The following FBXL20 variants were observed in gnomAD, a reference collection of about 807,000 sequenced individuals.
FBXL20 encodes the protein F-box/LRR-repeat protein 20.
FBXL20 carries 11 observed loss-of-function variants against 64.0 expected under a neutral mutation model. The observed-to-expected ratio is 0.17, with a 90% CI of 0.11 to 0.28. The LOEUF (loss-of-function observed/expected upper bound fraction) is 0.28. Among genes scored for constraint, FBXL20 ranks in the 10% least tolerant of loss-of-function variants. The pLI, the probability that FBXL20 is intolerant of heterozygous loss-of-function variation, is 1.00. For missense variants in FBXL20, 303 were observed against 526.2 expected, an observed-to-expected ratio of 0.58 and a Z score of 4.15; for synonymous variants, 184 against 189.0, an observed-to-expected ratio of 0.97 and a Z score of 0.22.
At position 39,396,608 on chromosome 17, in the gene FBXL20, A is replaced by AG. The variant is rs1167340268; in HGVS notation, c.42+4752_42+4753insC. On this transcript the variant is annotated intron_variant, in intron 1 of 14. Transcript: ENST00000264658. ...CGAAACTCCGTCTCAAAAAAAAAAAAAAAGAAAGAAATGACCAAAGTTACA... is the reference window on the plus strand; with the variant it reads ...CGAAACTCCGTCTCAAAAAAAAAAAAGAAAGAAAGAAATGACCAAAGTTACA... Among the ~76,000 whole-genome samples, 9 of 151,270 alleles carry AG rather than the reference A, an allele frequency of 5.9e-5. No individual in the cohort carries two copies. In the South Asian group the frequency reaches 8.3e-4, roughly 14 times the overall value.
chr17:39,309,666 G>A (rs1045484329), intron 2 of FBXL20, among the ~76,000 whole-genome samples: 26 of 151,660 alleles, frequency 1.7e-4, no homozygotes. Flanking sequence ...GCCAGGCGTG[G>A]TGGTGTACGC....
intron 2 of FBXL20, among the ~76,000 whole-genome samples, chr17:39,315,833 G>C (rs920229972): frequency 4.7e-5 from 2 of 42,770 alleles, no homozygotes; most frequent in South Asian, 4.7e-4. Flanking sequence ...GAGAGACAGA[G>C]AGAGAGAGAG....
In FBXL20 at chr17:39,268,879, G is replaced by A. The variant is rs779421901; in HGVS notation, c.889-8C>T. On this transcript the variant is annotated splice_polypyrimidine_tract_variant and splice_region_variant and intron_variant, in intron 11 of 14. Transcript: ENST00000264658. ...TTCAAGTTCATGGCAATTCTACAAA[G>A]TACAAAAACAAACACAAACATTACA... is the stretch of plus-strand genomic sequence containing the variant. The A allele has an allele frequency of 6.2e-7, 1 of 1,612,970 alleles. No homozygotes were observed. Among genetic ancestry groups the A allele is most frequent in the South Asian group, 1.1e-5 (1 of 91,016 alleles).
At chr17:39,369,256 CTTTTTTTTTTTT>C (rs72363930) in intron 1 of FBXL20, among the ~76,000 whole-genome samples, 2 of 98,578 alleles carry the variant, frequency 2.0e-5, no homozygotes, top group African/African-American at 4.4e-5. Flanking sequence ...GAATTCAATG[CTTTTTTTTTTTT>C]TTTTTTTTTT....
intron 1 of FBXL20, among the ~76,000 whole-genome samples, chr17:39,350,279 C>T (rs2047675135): frequency 6.6e-6 from 1 of 152,080 alleles, no homozygotes; most frequent in Admixed American, 6.6e-5. Flanking sequence ...TCACCTGAGG[C>T]TGGGAGATCG....
In FBXL20 at chr17:39,387,559, G is replaced by A. The variant is rs573773819; in HGVS notation, c.42+13802C>T. Among the ~76,000 whole-genome samples the A allele has an allele frequency of 2.6e-4, 40 of 151,186 alleles. 1 individual carries two copies. Among genetic ancestry groups the A allele is most frequent in the Admixed American group, 1.6e-3 (24 of 15,112 alleles). ...CTCCCAAAGTGCTGGGATTACAGGCGTGTGCCACAGCGCCCAATCTTTTTT... is the reference window on the plus strand; with the variant it reads ...CTCCCAAAGTGCTGGGATTACAGGCATGTGCCACAGCGCCCAATCTTTTTT... On this transcript the variant is annotated intron_variant, in intron 1 of 14. Transcript: ENST00000264658.
chr17:39,398,440 TA>T (rs1446837692), intron 1 of FBXL20, among the ~76,000 whole-genome samples: 3 of 152,168 alleles, frequency 2.0e-5, no homozygotes, highest in Non-Finnish European at 2.9e-5. Context: ...ATAAATAACA[TA>T]ATTAAAATAT....
At chr17:39,334,085 AAAG>A (rs879298528) in intron 2 of FBXL20, among the ~76,000 whole-genome samples, 2 of 152,208 alleles carry the variant, frequency 1.3e-5, no homozygotes, top group Non-Finnish European at 2.9e-5. Context: ...GTCTGTGTAG[AAAG>A]AAGTAGACAT....
At chr17:39,312,806 G>C (rs1273229106) in intron 2 of FBXL20, among the ~76,000 whole-genome samples, 9 of 150,262 alleles carry the variant, frequency 6.0e-5, no homozygotes, top group Non-Finnish European at 1.2e-4. Context: ...TCCATCTCCT[G>C]ACCTCGTGAT....
chr17:39,378,612 T>C (rs200702772), intron 1 of FBXL20, among the ~76,000 whole-genome samples: 3 of 151,702 alleles, frequency 2.0e-5, no homozygotes, highest in African/African-American at 4.8e-5. Context: ...AGAATGGCTA[T>C]AATTTTTTTT....
intron 1 of FBXL20, among the ~76,000 whole-genome samples, chr17:39,401,145 G>C (rs1244118292): frequency 2.0e-5 from 3 of 152,150 alleles, no homozygotes; most frequent in Non-Finnish European, 2.9e-5. Context: ...GGGGCCCGCT[G>C]GTGGGAAGAG....
intron 7 of FBXL20, 115 bp from the exon 8 acceptor site, chr17:39,282,970 C>CA: frequency 8.5e-7 from 1 of 1,169,790 alleles, no homozygotes; most frequent in East Asian, 2.4e-5. Context: ...TTTTTTCCCA[C>CA]AAGAAAAAAC....
At chr17:39,288,866 G>T (rs1471141833) in intron 6 of FBXL20, among the ~76,000 whole-genome samples, 1 of 152,020 alleles carries the variant, frequency 6.6e-6, no homozygotes, top group African/African-American at 2.4e-5. Context: ...GCCACACTCG[G>T]CTAATTTTTT....
upstream of FBXL20, chr17:39,402,187 C>A: frequency 8.1e-7 from 1 of 1,232,622 alleles, no homozygotes; most frequent in Non-Finnish European, 1.0e-6. Context: ...GCCTTGAACC[C>A]AAAGTGCAGC....
chr17:39,297,127 G>A lies in FBXL20; in HGVS notation c.398C>T (p.Ala133Val), dbSNP rs531813764. 51 of 1,601,340 alleles carry A rather than the reference G, an allele frequency of 3.2e-5. No homozygotes were observed. The East Asian group carries it at 3.4e-4, about 11-fold the overall frequency. Residue 133 changes from alanine to valine, a missense_variant and splice_region_variant, in exon 6 of 15, where the codon GCT becomes GTT. This residue lies in a region of FBXL20 where 246 missense variants were observed against 422.6 expected (regional missense o/e 0.58). Transcript: ENST00000264658. Reference sequence around the variant, plus strand: ...TCCTCCAAAAACATAAAATACTTACGCGTCTGTTGTCTTTGTACACCCATT... The same window carrying A: ...TCCTCCAAAAACATAAAATACTTACACGTCTGTTGTCTTTGTACACCCATT... ...NLNGCTKTTD[A>V]TCTSLSKFCS...
chr17:39,270,924 C>T (rs1275087907), intron 10 of FBXL20, 68 bp from the exon 11 acceptor site: 59 of 1,283,514 alleles, frequency 4.6e-5, no homozygotes, highest in Non-Finnish European at 5.7e-5. Context: ...TTTATTAAAA[C>T]AGTAAGAATT....
At chr17:39,303,209 T>C (rs2047153141) in intron 3 of FBXL20, among the ~76,000 whole-genome samples, 1 of 151,836 alleles carries the variant, frequency 6.6e-6, no homozygotes, top group South Asian at 2.1e-4. Context: ...GCAGTGGATG[T>C]TACTACAGGA....
At chr17:39,267,960 A>G (rs569244790) in intron 12 of FBXL20, among the ~76,000 whole-genome samples, 2 of 152,338 alleles carry the variant, frequency 1.3e-5, no homozygotes, top group African/African-American at 4.8e-5. Context: ...AGTTACTGAC[A>G]TATCTCGCCT....
intron 7 of FBXL20, among the ~76,000 whole-genome samples, chr17:39,285,242 A>AG (rs1279710038): frequency 6.6e-6 from 1 of 152,080 alleles, no homozygotes; most frequent in East Asian, 1.9e-4. Context: ...TAAAAATCTA[A>AG]TTGTTTATGT....
Sources: gnomAD v4.1 joint callset for allele counts (sites outside exome capture counted in the v4.1 genomes callset) on GRCh38, gnomAD v4.1.1 for gene constraint, gnomAD v4.1.1 regional missense constraint, MANE v1.5 for transcripts, NCBI Gene and HGNC (gene_info 2026-07-23, HGNC 2026-07-21) for gene names.